ZBBX: variants seen among roughly 807,000 people sequenced by gnomAD.
ZBBX encodes zinc finger B-box domain-containing protein 1.
A neutral mutation model predicts 108.5 loss-of-function variants in ZBBX; 101 were observed. That is an observed-to-expected ratio of 0.93 (90% confidence interval 0.79 to 1.10). The LOEUF (loss-of-function observed/expected upper bound fraction) is 1.10. Among genes scored for constraint, ZBBX ranks in the 50% least tolerant of loss-of-function variants. The pLI is 0.00. For missense variants in ZBBX, 1,009 were observed against 941.4 expected (o/e 1.07, Z -0.94); for synonymous variants, 356 against 323.4 (o/e 1.10, Z -1.08).
At chr3:167,401,752 A>G (rs1431537774) in intron 1 of ZBBX, among the ~76,000 whole-genome samples, 1 of 152,092 alleles carries the variant, frequency 6.6e-6, no homozygotes, top group Non-Finnish European at 1.5e-5. Context: ...TCTTCTGCCA[A>G]CCTCCTATAC....
chr3:167,343,521 TA>T (rs1218536286), intron 9 of ZBBX, among the ~76,000 whole-genome samples: 2 of 151,906 alleles, frequency 1.3e-5, no homozygotes, highest in Non-Finnish European at 2.9e-5. Flanking sequence ...ATAACTTCAC[TA>T]AAGTGCAGGC....
At position 167,401,921 on chromosome 3, in the gene ZBBX, A is replaced by G. The variant is rs530741272; in HGVS notation, c.-446+5805T>C. On this transcript the variant is annotated intron_variant, in intron 1 of 21. Transcript: ENST00000455345. The stretch of plus-strand genomic sequence containing the variant: ...ATCATATTTCCATATGGGACTGTCA[A>G]TGAACCATGAAAGGCTTGATGAACT... Among the ~76,000 whole-genome samples, 20 of 152,256 alleles carry G rather than the reference A, an allele frequency of 1.3e-4. No homozygotes were observed. In the South Asian group the frequency reaches 3.9e-3, roughly 30 times the overall value.
chr3:167,345,375 A>G (rs781504432), intron 9 of ZBBX, among the ~76,000 whole-genome samples: 49 of 152,060 alleles, frequency 3.2e-4, no homozygotes, highest in Admixed American at 4.6e-4. Context: ...CACTTGTAGT[A>G]TAAGGAATAT....
chr3:167,392,074 A>G (rs1487925532), intron 1 of ZBBX, among the ~76,000 whole-genome samples: 1 of 151,728 alleles, frequency 6.6e-6, no homozygotes, highest in Non-Finnish European at 1.5e-5. Context: ...CTGAAGCTCC[A>G]AGAAACCACT....
At chr3:167,225,619 G>C in the ZBBX span, among the ~76,000 whole-genome samples, 250 of 151,746 alleles carry the variant, frequency 1.6e-3, 1 homozygote, top group African/African-American at 4.8e-3. Flanking sequence ...TTTGACTATC[G>C]GGGGCTCGGA....
intron 20 of ZBBX, among the ~76,000 whole-genome samples, chr3:167,245,074 C>T (rs1281950395): frequency 1.3e-5 from 2 of 152,200 alleles, no homozygotes; most frequent in Non-Finnish European, 1.5e-5. Flanking sequence ...ACAACAACAA[C>T]TCTAAAGGAC....
chr3:167,245,116 T>C (rs1721323932), intron 20 of ZBBX, among the ~76,000 whole-genome samples: 2 of 152,132 alleles, frequency 1.3e-5, no homozygotes, highest in Admixed American at 1.3e-4. Context: ...TACATCCTAA[T>C]ATTAAAGACA....
chr3:167,249,879 C>T (rs1233566592), intron 20 of ZBBX, among the ~76,000 whole-genome samples: 1 of 152,128 alleles, frequency 6.6e-6, no homozygotes, highest in African/African-American at 2.4e-5. Flanking sequence ...TAAATGGGAT[C>T]CCAGTGACGA....
chr3:167,252,279 A>G, intron 20 of ZBBX: 2 of 988,812 alleles, frequency 2.0e-6, no homozygotes, highest in Non-Finnish European at 2.8e-6. Context: ...CAGAGATTTG[A>G]ACATATTTAC....
chr3:167,330,244 A>T (rs937995021), intron 10 of ZBBX, among the ~76,000 whole-genome samples: 3 of 152,234 alleles, frequency 2.0e-5, no homozygotes, highest in African/African-American at 7.2e-5. Flanking sequence ...TAGAGAAAAC[A>T]TATTAACGTT....
chr3:167,291,685 G>C (rs1730717115), intron 18 of ZBBX, among the ~76,000 whole-genome samples: 1 of 152,100 alleles, frequency 6.6e-6, no homozygotes, highest in Non-Finnish European at 1.5e-5. Context: ...ATAATGGCAG[G>C]ATCACATTCA....
chr3:167,213,712 C>T, the ZBBX span, among the ~76,000 whole-genome samples: 2 of 151,972 alleles, frequency 1.3e-5, no homozygotes, highest in Non-Finnish European at 2.9e-5. Context: ...CAAGATTCTA[C>T]ATCAACCCAA....
intron 1 of ZBBX, among the ~76,000 whole-genome samples, chr3:167,402,786 A>T (rs571303225): frequency 7.9e-5 from 5 of 63,164 alleles, no homozygotes; most frequent in Non-Finnish European, 2.2e-4. Flanking sequence ...TACAATATGT[A>T]AAAAAAAAAA....
chr3:167,389,252 C>T (rs975751862), intron 1 of ZBBX, among the ~76,000 whole-genome samples: 1 of 151,910 alleles, frequency 6.6e-6, no homozygotes, highest in Non-Finnish European at 1.5e-5. Context: ...TCCTATGTTA[C>T]TTTGCTGAAA....
At chr3:167,214,795 A>C in the ZBBX span, among the ~76,000 whole-genome samples, 1 of 152,190 alleles carries the variant, frequency 6.6e-6, no homozygotes, top group Non-Finnish European at 1.5e-5. Context: ...ACACAATCTC[A>C]GACCAGTGCA....
chr3:167,200,366 G>T, the ZBBX span, among the ~76,000 whole-genome samples: 7 of 152,126 alleles, frequency 4.6e-5, no homozygotes, highest in Admixed American at 3.3e-4. Context: ...TTAACTAGGT[G>T]TCAGGTATTT....
intron 9 of ZBBX, among the ~76,000 whole-genome samples, chr3:167,334,399 C>A (rs1244884582): frequency 6.6e-6 from 1 of 151,980 alleles, no homozygotes; most frequent in Non-Finnish European, 1.5e-5. Flanking sequence ...CATGGTGAAA[C>A]CACATCTCTA....
At chr3:167,235,639 C>T (rs900354491), downstream of ZBBX, among the ~76,000 whole-genome samples, 12 of 151,548 alleles carry the variant, frequency 7.9e-5, no homozygotes, top group Non-Finnish European at 1.3e-4. Flanking sequence ...TGTTACTATA[C>T]ATTTGAAGAA....
At chr3:167,274,510 G>A (rs1482067479) in intron 20 of ZBBX, among the ~76,000 whole-genome samples, 3 of 152,178 alleles carry the variant, frequency 2.0e-5, no homozygotes, top group Admixed American at 2.0e-4. Context: ...TTAAAAGGGA[G>A]GAATTGTAAG....
Sources: allele counts gnomAD v4.1 joint callset (sites outside exome capture counted in the v4.1 genomes callset), GRCh38; gene constraint gnomAD v4.1.1; transcripts MANE v1.5; gene names NCBI Gene and HGNC (gene_info 2026-07-23, HGNC 2026-07-21).